RELL1: variants seen among roughly 807,000 people sequenced by gnomAD.
RELL1 encodes RELT like 1.
A neutral mutation model predicts 23.0 loss-of-function variants in RELL1; 10 were observed. The ratio of observed to expected loss-of-function variants is 0.43; its 90% CI spans 0.27 to 0.74. The LOEUF is 0.74. Among genes scored for constraint, RELL1 ranks in the 30% least tolerant of loss-of-function variants. RELL1 has a pLI of 0.19. For missense variants in RELL1, 315 were observed against 364.4 expected, an observed-to-expected ratio of 0.86 and a Z score of 1.10; for synonymous variants, 146 against 146.8, an observed-to-expected ratio of 0.99 and a Z score of 0.04.
intron 1 of RELL1, among the ~76,000 whole-genome samples, chr4:37,654,787 A>G (rs536671433): frequency 1.1e-4 from 17 of 152,364 alleles, no homozygotes; most frequent in African/African-American, 4.1e-4. Flanking sequence ...GTGAAGATAC[A>G]GGAAAACACT....
At chr4:37,633,909 C>T (rs1188025069) in intron 5 of RELL1, among the ~76,000 whole-genome samples, 1 of 152,196 alleles carries the variant, frequency 6.6e-6, no homozygotes, top group African/African-American at 2.4e-5. Flanking sequence ...GTTCAGGTTA[C>T]TCTTCCCAGG....
chr4:37,683,898 G>A (rs181708988), intron 1 of RELL1, among the ~76,000 whole-genome samples: 46 of 151,578 alleles, frequency 3.0e-4, no homozygotes, highest in East Asian at 7.8e-4. Flanking sequence ...TGGCTAACAC[G>A]GTGAAACCCC....
intron 5 of RELL1, among the ~76,000 whole-genome samples, chr4:37,632,241 G>A (rs146726050): frequency 0.011 from 1,652 of 151,192 alleles, 14 homozygotes; most frequent in African/African-American, 0.027. Context: ...GTACAATCTC[G>A]GCTCACTGCA....
intron 1 of RELL1, among the ~76,000 whole-genome samples, chr4:37,655,126 G>A (rs137981411): frequency 7.0e-4 from 106 of 152,086 alleles, no homozygotes; most frequent in Middle Eastern, 3.4e-3. Context: ...TTTGCCTCCC[G>A]GTTCTGTGAC....
intron 6 of RELL1, among the ~76,000 whole-genome samples, chr4:37,630,845 G>GA (rs1263774672): frequency 1.3e-5 from 2 of 151,790 alleles, no homozygotes; most frequent in East Asian, 1.9e-4. Context: ...AGAATAAAAG[G>GA]AAAAAGCATT....
At chr4:37,646,373 A>G (rs1720711365) in intron 3 of RELL1, among the ~76,000 whole-genome samples, 1 of 152,254 alleles carries the variant, frequency 6.6e-6, no homozygotes, top group Non-Finnish European at 1.5e-5. Context: ...AAGTGTTAAC[A>G]CTGGAGAAAG....
At chr4:37,613,729 C>T (rs1370927704) in intron 6 of RELL1, among the ~76,000 whole-genome samples, 4 of 152,190 alleles carry the variant, frequency 2.6e-5, no homozygotes, top group South Asian at 2.1e-4. Context: ...CAAGTAAGAA[C>T]ACAATGATTA....
intron 1 of RELL1, among the ~76,000 whole-genome samples, chr4:37,653,398 T>TATTGAAACC (rs1721018139): frequency 3.1e-5 from 3 of 98,268 alleles, no homozygotes; most frequent in Non-Finnish European, 2.6e-5. Flanking sequence ...AACCTCAATA[T>TATTGAAACC]TCAATACAAG....
At chr4:37,589,935 C>G (rs559370972), downstream of RELL1, among the ~76,000 whole-genome samples, 10 of 152,154 alleles carry the variant, frequency 6.6e-5, no homozygotes, top group Non-Finnish European at 1.0e-4. Flanking sequence ...CATTTTTATA[C>G]CAACTATATC....
Position 37,638,503 on chromosome 4 carries a change from C to A in RELL1, c.387G>T (p.Ala129=). 1 of 1,607,280 alleles carries A rather than the reference C, an allele frequency of 6.2e-7. No homozygotes were observed. Among genetic ancestry groups the A allele is most frequent in the Middle Eastern group, 1.7e-4 (1 of 6,040 alleles). ...QIVHYIMKNE[A]NADVLKAMVA... ...CCATCGCCTTTAAGACATCAGCATT[C>A]GCTAAGGAATAAAAATAAAATTAAA... The change falls in exon 4 of 7, where the codon GCG becomes GCT. Residue 129 remains alanine (A), a splice_region_variant and synonymous_variant. Coordinates refer to ENST00000454158, the MANE Select transcript of RELL1 (RefSeq NM_001085400.2).
At chr4:37,607,868 G>A (rs1318510361), downstream of RELL1, among the ~76,000 whole-genome samples, 4 of 152,138 alleles carry the variant, frequency 2.6e-5, no homozygotes, top group Admixed American at 6.5e-5. Flanking sequence ...GATTACAGGC[G>A]TGAGCCACTG....
intron 1 of RELL1, among the ~76,000 whole-genome samples, chr4:37,678,461 G>A (rs1722092577): frequency 6.6e-6 from 1 of 152,160 alleles, no homozygotes; most frequent in South Asian, 2.1e-4. Context: ...TGCCTCCCAA[G>A]AGAACTCTGC....
intron 6 of RELL1, among the ~76,000 whole-genome samples, chr4:37,627,410 C>G (rs1719989783): frequency 6.6e-6 from 1 of 152,178 alleles, no homozygotes; most frequent in South Asian, 2.1e-4. Context: ...AAAGCTTATT[C>G]TTCTCAGGAG....
chr4:37,588,755 T>C (rs1376686479), downstream of RELL1: 1 of 913,162 alleles, frequency 1.1e-6, no homozygotes, highest in Non-Finnish European at 1.8e-6. Context: ...TCTTAATACA[T>C]TTTGAGTCTC....
At chr4:37,673,873 C>T (rs1382042389) in intron 1 of RELL1, among the ~76,000 whole-genome samples, 1 of 152,180 alleles carries the variant, frequency 6.6e-6, no homozygotes, top group Non-Finnish European at 1.5e-5. Context: ...TAACCTCAGT[C>T]TCCCCTCTGC....
chr4:37,686,076 CG>C (rs1722398593), intron 1 of RELL1, 123 bp downstream of exon 1: 1 of 836,544 alleles, frequency 1.2e-6, no homozygotes. Flanking sequence ...TGTTCAGTGC[CG>C]GGATCCCGCG....
At chr4:37,617,960 ACAAGATGC>A (rs1353696335) in intron 6 of RELL1, among the ~76,000 whole-genome samples, 1 of 152,210 alleles carries the variant, frequency 6.6e-6, no homozygotes, top group Non-Finnish European at 1.5e-5. Flanking sequence ...CCAACTATGT[ACAAGATGC>A]CAAGATGCCA....
At chr4:37,590,280 G>T (rs775221705), downstream of RELL1, 3 of 1,613,956 alleles carry the variant, frequency 1.9e-6, no homozygotes, top group Non-Finnish European at 1.7e-6. Context: ...ATCCATGGGA[G>T]CCCTGCTGGC....
rs1351744494 is a variant in RELL1 at position 37,669,185 on chromosome 4, G to C, written c.88+17015C>G. On this transcript the variant is annotated intron_variant, in intron 1 of 6. Transcript: ENST00000454158. ...CCGCCCCGTCCGGGAGGGAGGTGGGGGGGGGGGTCAGCCCCCTGCCTGGCC... is the reference window on the plus strand; with the variant it reads ...CCGCCCCGTCCGGGAGGGAGGTGGGCGGGGGGGTCAGCCCCCTGCCTGGCC... Among the ~76,000 whole-genome samples the C allele has an allele frequency of 1.3e-4, 18 of 136,916 alleles. 2 individuals carry two copies. The highest frequency in any genetic ancestry group is 2.5e-4 in the Non-Finnish European group (16 of 64,308). The allele number at this position is 136,916 out of a possible 152,430, so 89.8% of individuals were successfully genotyped here. A position where few individuals can be genotyped will look rare whatever the true frequency, so the allele number is the denominator to read the frequency against.
Sources: allele counts gnomAD v4.1 joint callset (sites outside exome capture counted in the v4.1 genomes callset), GRCh38; gene constraint gnomAD v4.1.1; transcripts MANE v1.5; gene names NCBI Gene and HGNC (gene_info 2026-07-23, HGNC 2026-07-21).